TXNDC11: variants seen among roughly 807,000 people sequenced by gnomAD.
TXNDC11 encodes the protein thioredoxin domain-containing protein 11.
Under a neutral mutation model 78.0 loss-of-function variants are expected in TXNDC11, and 68 were observed. The observed-to-expected ratio is 0.87, with a 90% CI of 0.72 to 1.07. The LOEUF (loss-of-function observed/expected upper bound fraction) is 1.07, where lower values mean the gene tolerates loss of function less well. Ranked by LOEUF, TXNDC11 falls within the 50% of genes least tolerant of loss-of-function variation. The pLI, the probability that TXNDC11 is intolerant of heterozygous loss-of-function variation, is 0.00. For missense variants in TXNDC11, 1,389 were observed against 1,221.8 expected, an observed-to-expected ratio of 1.14 and a Z score of -2.04; for synonymous variants, 571 against 495.2, an observed-to-expected ratio of 1.15 and a Z score of -2.03.
chr16:11,742,848 C>T lies in TXNDC11; in HGVS notation c.-118G>A. On this transcript the variant is annotated 5_prime_UTR_variant, in exon 1 of 12. In the 5' UTR this introduces an upstream ATG that the reference lacks. Transcript: ENST00000283033. ...CGCACCCGCTAACCCGGACGCTCCA[C>T]GTCAGCCGCGCCGCCGCCGCGGGGT... The T allele has an allele frequency of 7.6e-7, 1 of 1,310,782 alleles. No individual in the cohort carries two copies. The highest frequency in any genetic ancestry group is 9.7e-7 in the Non-Finnish European group (1 of 1,030,156). The allele number at this position is 1,310,782 out of a possible 1,614,324, so 81.2% of individuals were successfully genotyped here.
intron 1 of TXNDC11, among the ~76,000 whole-genome samples, chr16:11,739,346 A>G (rs2052325405): frequency 6.6e-6 from 1 of 151,936 alleles, no homozygotes; most frequent in African/African-American, 2.4e-5. Context: ...GGTACAAAAA[A>G]CTCGAGTTGG....
chr16:11,714,215 G>A (rs1309457520), intron 5 of TXNDC11, among the ~76,000 whole-genome samples: 1 of 152,112 alleles, frequency 6.6e-6, no homozygotes, highest in Non-Finnish European at 1.5e-5. Context: ...TAGAGACGGG[G>A]TTTCGCCACA....
chr16:11,711,485 T>A (rs1317397300), intron 5 of TXNDC11, among the ~76,000 whole-genome samples: 1 of 152,186 alleles, frequency 6.6e-6, no homozygotes, highest in Non-Finnish European at 1.5e-5. Context: ...GTTACCCACA[T>A]CCCTTGGTTT....
rs1239794267 is a variant in TXNDC11 at position 11,679,503 on chromosome 16, C to A, written c.2569G>T (p.Glu857Ter). The change falls in exon 12 of 12, where the codon GAG (glutamate) becomes TAG (stop). Residue 857 changes from glutamate (E) to a stop codon, truncating the protein, a stop_gained. Transcript: ENST00000283033. LOFTEE classifies it low-confidence loss of function (END_TRUNC). The surrounding 1 kb of genome is among the most constrained non-coding windows in gnomAD (Gnocchi z 4.6). ...EQHSLLHAHSEQLQALYEQKT... is the reference protein window; with the variant it reads ...EQHSLLHAHS The stretch of plus-strand genomic sequence containing the variant: ...TGCTCATAGAGGGCCTGCAGCTGCT[C>A]ACTGTGTGCGTGGAGCAGGCTGTGC... The A allele has an allele frequency of 1.2e-6, 2 of 1,613,504 alleles. No homozygotes were observed. Among genetic ancestry groups the A allele is most frequent in the Non-Finnish European group, 1.7e-6 (2 of 1,180,040 alleles).
intron 8 of TXNDC11, among the ~76,000 whole-genome samples, chr16:11,689,710 T>G (rs1457038200): frequency 6.6e-6 from 1 of 152,208 alleles, no homozygotes; most frequent in Non-Finnish European, 1.5e-5. Context: ...TGAATGGAAT[T>G]CAGGAAAATC....
intron 7 of TXNDC11, among the ~76,000 whole-genome samples, chr16:11,696,791 GAGAA>G (rs1056733332): frequency 9.9e-5 from 15 of 152,098 alleles, no homozygotes; most frequent in African/African-American, 3.6e-4. Context: ...AACAACAGGC[GAGAA>G]AGAGTCTTCC....
At chr16:11,715,232 A>AAAACG (rs1276093508) in intron 5 of TXNDC11, among the ~76,000 whole-genome samples, 1 of 152,262 alleles carries the variant, frequency 6.6e-6, no homozygotes. Flanking sequence ...AAAACAAAAC[A>AAAACG]AAACAAAACA....
At chr16:11,684,052 C>T (rs892184190) in intron 11 of TXNDC11, 113 bp downstream of exon 11, 3 of 752,622 alleles carry the variant, frequency 4.0e-6, no homozygotes, top group African/African-American at 3.5e-5. Context: ...CGCCTGGTTC[C>T]TAAGGGAACA....
At chr16:11,686,019 T>A (rs2141971673) in intron 10 of TXNDC11, among the ~76,000 whole-genome samples, 1 of 152,240 alleles carries the variant, frequency 6.6e-6, no homozygotes, top group South Asian at 2.1e-4. Context: ...AATGCAGTGG[T>A]GCAATCTCAG....
intron 10 of TXNDC11, among the ~76,000 whole-genome samples, chr16:11,684,515 G>A (rs182867960): frequency 8.3e-4 from 127 of 152,278 alleles, no homozygotes; most frequent in Admixed American, 2.0e-3. Flanking sequence ...ACTGACACCT[G>A]AGGAGTCATT....
chr16:11,719,233 T>C (rs768333680), intron 5 of TXNDC11, among the ~76,000 whole-genome samples: 3 of 152,242 alleles, frequency 2.0e-5, no homozygotes, highest in Non-Finnish European at 4.4e-5. Flanking sequence ...GTTACCCTTT[T>C]ATATAGTCTT....
At chr16:11,708,191 T>C (rs1405306614) in intron 5 of TXNDC11, among the ~76,000 whole-genome samples, 1 of 152,230 alleles carries the variant, frequency 6.6e-6, no homozygotes, top group Non-Finnish European at 1.5e-5. Context: ...GATTCATTTA[T>C]CTCAGGAAGA....
intron 1 of TXNDC11, among the ~76,000 whole-genome samples, chr16:11,739,404 T>G (rs1025714482): frequency 2.6e-5 from 4 of 152,168 alleles, no homozygotes; most frequent in Non-Finnish European, 5.9e-5. Context: ...CATGTGCCTA[T>G]AGTCCCAGCT....
At chr16:11,737,467 G>T (rs1567354624) in intron 1 of TXNDC11, among the ~76,000 whole-genome samples, 1 of 150,822 alleles carries the variant, frequency 6.6e-6, no homozygotes, top group Non-Finnish European at 1.5e-5. Context: ...AAGAAAGAAA[G>T]TAAGTAAAGG....
intron 4 of TXNDC11, among the ~76,000 whole-genome samples, chr16:11,721,980 T>A (rs2051720897): frequency 6.6e-6 from 1 of 152,194 alleles, no homozygotes; most frequent in Admixed American, 6.5e-5. Flanking sequence ...CCCTGTTTGT[T>A]GACAGTACAA....
At chr16:11,719,856 G>A (rs779121754) in intron 5 of TXNDC11, among the ~76,000 whole-genome samples, 5 of 152,226 alleles carry the variant, frequency 3.3e-5, no homozygotes, top group Non-Finnish European at 5.9e-5. Context: ...TGGGGTAGTG[G>A]TTTCAGTTAT....
intron 6 of TXNDC11, among the ~76,000 whole-genome samples, chr16:11,699,565 T>C (rs2050952699): frequency 6.6e-6 from 1 of 152,194 alleles, no homozygotes; most frequent in African/African-American, 2.4e-5. Flanking sequence ...ACATTTGACT[T>C]TTGGAATATA....
rs2050622626 is a variant in TXNDC11 at position 11,688,400 on chromosome 16, C to CTT, written c.1944_1945dup (p.Arg649LysfsTer17). 6.2e-7 allele frequency: 1 copy of CTT among 1,613,954 alleles called. No individual in the cohort carries two copies. Among genetic ancestry groups the CTT allele is most frequent in the Non-Finnish European group, 8.5e-7 (1 of 1,179,912 alleles). ...GGCAGAGCCACTTCCAATGAGATGCCTTTTCAAGGGACTATAGAGAACGCT... is the reference window on the plus strand; with the variant it reads ...GGCAGAGCCACTTCCAATGAGATGCCTTTTTTCAAGGGACTATAGAGAACGCT... On this transcript the variant is annotated frameshift_variant, in exon 9 of 12. Coordinates refer to ENST00000283033, the MANE Select transcript of TXNDC11 (RefSeq NM_015914.7). LOFTEE classifies it high-confidence loss of function.
Position 11,685,448 on chromosome 16 carries a change from A to G in TXNDC11, c.2154-1203T>C, listed in dbSNP as rs570291358. ...ATCACGAGGTCAGGTGATCGAGACCATCCTGGCTAACGCGGTGAAACGCCA... is the reference window on the plus strand; with the variant it reads ...ATCACGAGGTCAGGTGATCGAGACCGTCCTGGCTAACGCGGTGAAACGCCA... On this transcript the variant is annotated intron_variant, in intron 10 of 11. Coordinates refer to ENST00000283033, the MANE Select transcript of TXNDC11 (RefSeq NM_015914.7). 6.6e-5 allele frequency among the ~76,000 whole-genome samples: 10 copies of G among 152,252 alleles called. No homozygotes were observed. In the East Asian group the frequency reaches 1.9e-3, roughly 29 times the overall value.
Sources: gnomAD v4.1 joint callset for allele counts (sites outside exome capture counted in the v4.1 genomes callset) on GRCh38, gnomAD v4.1.1 for gene constraint, Gnocchi (gnomAD v3.1) non-coding constraint, MANE v1.5 for transcripts, NCBI Gene and HGNC (gene_info 2026-07-23, HGNC 2026-07-21) for gene names.